PJA2: variants seen among roughly 807,000 people sequenced by gnomAD.
PJA2 encodes the protein praja ring finger ubiquitin ligase 2, also known as E3 ubiquitin-protein ligase Praja-2.
Under a neutral mutation model 69.3 loss-of-function variants are expected in PJA2, and 25 were observed. The observed-to-expected ratio is 0.36, with a 90% confidence interval of 0.26 to 0.50. The LOEUF is 0.50. Among genes scored for constraint, PJA2 ranks in the 20% least tolerant of loss-of-function variants. The pLI, the probability that PJA2 is intolerant of heterozygous loss-of-function variation, is 0.96. For synonymous variants in PJA2, 308 were observed against 277.8 expected (o/e 1.11, Z -1.08); for missense variants, 809 against 830.2 (o/e 0.97, Z 0.31).
chr5:109,335,693 G>A lies in PJA2; in HGVS notation c.*1538C>T, dbSNP rs1354590194. 1 of 152,364 alleles carries A rather than the reference G, an allele frequency of 6.6e-6. No homozygotes were observed. Among genetic ancestry groups the A allele is most frequent in the Non-Finnish European group, 1.5e-5 (1 of 67,996 alleles). The allele number at this position is 152,364 out of a possible 1,614,324, so 9.4% of individuals were successfully genotyped here. A position where few individuals can be genotyped will look rare whatever the true frequency, so the allele number is the denominator to read the frequency against. On this transcript the variant is annotated 3_prime_UTR_variant, in exon 10 of 10. Coordinates refer to ENST00000361189, the MANE Select transcript of PJA2 (RefSeq NM_014819.5). ...AAATATGATATGGAAAGATCACAGA[G>A]TAGAAAACAAGCAAAGATTAGTTTA...
chr5:109,399,934 G>A (rs1431105883), intron 1 of PJA2, among the ~76,000 whole-genome samples: 1 of 152,130 alleles, frequency 6.6e-6, no homozygotes, highest in African/African-American at 2.4e-5. Flanking sequence ...ACAGTTAACA[G>A]AAATGAAGAA....
At chr5:109,400,815 T>TA (rs1468421163) in intron 1 of PJA2, among the ~76,000 whole-genome samples, 6 of 151,338 alleles carry the variant, frequency 4.0e-5, no homozygotes, top group Admixed American at 1.3e-4. Context: ...CCGTCTCTAC[T>TA]AAAAAAATAC....
In PJA2 at chr5:109,353,462, C is replaced by T. The variant is rs1399361582; in HGVS notation, c.1764+2453G>A. The stretch of plus-strand genomic sequence containing the variant: ...TATATAGATATCTATATATTAGATA[C>T]CTATATCTATAGATATCTAATATAT... On this transcript the variant is annotated intron_variant, in intron 7 of 9. Coordinates refer to ENST00000361189, the MANE Select transcript of PJA2 (RefSeq NM_014819.5). 2.6e-3 allele frequency among the ~76,000 whole-genome samples: 202 copies of T among 78,878 alleles called. 8 individuals carry two copies. The highest frequency in any genetic ancestry group is 6.1e-3 in the African/African-American group (168 of 27,344). 51.7% of individuals were successfully genotyped at this position (78,878 alleles called of 152,430 possible).
intron 7 of PJA2, among the ~76,000 whole-genome samples, chr5:109,345,233 G>A (rs1243263475): frequency 1.3e-5 from 2 of 149,598 alleles, no homozygotes; most frequent in Non-Finnish European, 3.0e-5. Context: ...GCACATGCCT[G>A]TAATCCCAGC....
At chr5:109,374,195 G>C (rs1426247606) in intron 4 of PJA2, among the ~76,000 whole-genome samples, 1 of 152,078 alleles carries the variant, frequency 6.6e-6, no homozygotes, top group Non-Finnish European at 1.5e-5. Flanking sequence ...TCACTTTCTG[G>C]TCTTTTTCCT....
chr5:109,348,466 C>A (rs1442024110), intron 7 of PJA2, among the ~76,000 whole-genome samples: 1 of 152,102 alleles, frequency 6.6e-6, no homozygotes, highest in Non-Finnish European at 1.5e-5. Flanking sequence ...ATTCTGAAAC[C>A]TGGAATGAAG....
chr5:109,385,439 G>T (rs533347298), intron 1 of PJA2, among the ~76,000 whole-genome samples: 1 of 152,294 alleles, frequency 6.6e-6, no homozygotes, highest in Admixed American at 6.5e-5. Flanking sequence ...TGGGCAATGG[G>T]AAAAATGGAG....
intron 6 of PJA2, among the ~76,000 whole-genome samples, chr5:109,356,982 T>C (rs940264718): frequency 2.6e-5 from 4 of 152,186 alleles, no homozygotes; most frequent in African/African-American, 9.6e-5. Flanking sequence ...ATTTCAAAAA[T>C]TGAAAACCGT....
chr5:109,354,952 C>CA (rs1467266042), intron 7 of PJA2, among the ~76,000 whole-genome samples: 1 of 151,394 alleles, frequency 6.6e-6, no homozygotes, highest in African/African-American at 2.4e-5. Flanking sequence ...CTATCTCTAC[C>CA]AAAAAACCCC....
intron 9 of PJA2, among the ~76,000 whole-genome samples, chr5:109,337,721 A>G (rs920683091): frequency 6.6e-6 from 1 of 152,144 alleles, no homozygotes; most frequent in Non-Finnish European, 1.5e-5. Context: ...TAGCTCAACA[A>G]TAATCTGAAT....
intron 9 of PJA2, among the ~76,000 whole-genome samples, chr5:109,342,522 T>G (rs1323208801): frequency 1.9e-5 from 1 of 52,594 alleles, no homozygotes; most frequent in African/African-American, 1.2e-4. Context: ...GGGAGGGAGG[T>G]GGGGGGGGTC....
intron 8 of PJA2, 116 bp downstream of exon 8, chr5:109,344,589 T>TA (rs1388857791): frequency 4.4e-5 from 34 of 767,692 alleles, no homozygotes; most frequent in South Asian, 7.5e-5. Flanking sequence ...CTGGTTTCTA[T>TA]AAAAAAAATC....
intron 9 of PJA2, among the ~76,000 whole-genome samples, chr5:109,342,979 C>T (rs1433920690): frequency 2.0e-4 from 19 of 93,374 alleles, no homozygotes; most frequent in African/African-American, 8.0e-4. Context: ...AGCCCCTCTG[C>T]CCGGCCACCA....
At chr5:109,404,974 T>C (rs1747649167) in intron 1 of PJA2, among the ~76,000 whole-genome samples, 1 of 151,954 alleles carries the variant, frequency 6.6e-6, no homozygotes, top group African/African-American at 2.4e-5. Flanking sequence ...GTGGAAGGAG[T>C]TACATATAAA....
intron 4 of PJA2, among the ~76,000 whole-genome samples, chr5:109,369,496 G>A (rs1187354249): frequency 6.6e-6 from 1 of 152,066 alleles, no homozygotes; most frequent in Non-Finnish European, 1.5e-5. Flanking sequence ...AATGCTACCT[G>A]GAATAAATGT....
chr5:109,389,904 A>G (rs1164480866), intron 1 of PJA2, among the ~76,000 whole-genome samples: 1 of 143,498 alleles, frequency 7.0e-6, no homozygotes, highest in Non-Finnish European at 1.5e-5. Context: ...TTTGCAGTCT[A>G]TTTTTTTTTT....
At chr5:109,365,966 T>C (rs965306151) in intron 5 of PJA2, among the ~76,000 whole-genome samples, 4 of 152,332 alleles carry the variant, frequency 2.6e-5, no homozygotes, top group South Asian at 2.1e-4. Flanking sequence ...CAAAGCTCTA[T>C]TGGTGTCTAT....
intron 1 of PJA2, among the ~76,000 whole-genome samples, chr5:109,404,348 C>A (rs1365012235): frequency 1.3e-5 from 2 of 151,764 alleles, no homozygotes; most frequent in Non-Finnish European, 2.9e-5. Context: ...TGGTAAAACC[C>A]CGTCTCTACT....
chr5:109,409,517 C>G (rs562358881), intron 1 of PJA2, among the ~76,000 whole-genome samples: 46 of 152,106 alleles, frequency 3.0e-4, no homozygotes, highest in Non-Finnish European at 5.6e-4. Context: ...TCACCAAGGA[C>G]AGCAGAAGAG....
Sources: allele counts gnomAD v4.1 joint callset (sites outside exome capture counted in the v4.1 genomes callset), GRCh38; gene constraint gnomAD v4.1.1; transcripts MANE v1.5; gene names NCBI Gene and HGNC (gene_info 2026-07-23, HGNC 2026-07-21).